Variants in NCOA3 observed in about 807,000 individuals in gnomAD.
NCOA3 encodes CBP-interacting protein.
In NCOA3, 51 loss-of-function variants were observed where a neutral mutation model predicts 158.8. That is an observed-to-expected ratio of 0.32 (90% confidence interval 0.26 to 0.41). NCOA3 has a LOEUF of 0.41. Among genes scored for constraint, NCOA3 ranks in the 10% least tolerant of loss-of-function variants. NCOA3 has a pLI of 1.00. For synonymous variants in NCOA3, 537 were observed against 592.4 expected (o/e 0.91, Z 1.36); for missense variants, 1,510 against 1,746.6 (o/e 0.86, Z 2.41).
chr20:47,632,694 T>C (rs925857696), intron 8 of NCOA3, among the ~76,000 whole-genome samples: 6 of 150,798 alleles, frequency 4.0e-5, no homozygotes, highest in Non-Finnish European at 7.4e-5. Context: ...CCCGAGTTTT[T>C]TTTTTTTGAG....
chr20:47,594,788 A>ATTTTT (rs768342979), intron 2 of NCOA3, among the ~76,000 whole-genome samples: 21 of 102,440 alleles, frequency 2.0e-4, no homozygotes, highest in African/African-American at 7.9e-4. Context: ...AGAATACCTG[A>ATTTTT]TTTTTTTTTT....
intron 1 of NCOA3, among the ~76,000 whole-genome samples, chr20:47,535,050 GTTA>G: frequency 6.7e-6 from 1 of 149,320 alleles, no homozygotes; most frequent in East Asian, 2.0e-4. Context: ...AATAATTAGC[GTTA>G]TTATTATTCT....
chr20:47,641,099 ATGCTTCTCT>A (rs2086598542), intron 16 of NCOA3, among the ~76,000 whole-genome samples: 2 of 151,968 alleles, frequency 1.3e-5, no homozygotes, highest in Non-Finnish European at 2.9e-5. Flanking sequence ...ATTTATTTGA[ATGCTTCTCT>A]ACTCAATAGA....
chr20:47,576,212 A>C (rs1316021750), intron 1 of NCOA3, among the ~76,000 whole-genome samples: 1 of 152,210 alleles, frequency 6.6e-6, no homozygotes, highest in Non-Finnish European at 1.5e-5. Flanking sequence ...ACCTGTGTAT[A>C]GTAATGGTTT....
chr20:47,619,931 G>C (rs2086207766), intron 2 of NCOA3, among the ~76,000 whole-genome samples: 1 of 151,736 alleles, frequency 6.6e-6, no homozygotes, highest in South Asian at 2.1e-4. Flanking sequence ...AAGTAGCTGG[G>C]ACTACAGGCG....
chr20:47,584,355 C>T (rs894625072), intron 2 of NCOA3, among the ~76,000 whole-genome samples: 1 of 152,150 alleles, frequency 6.6e-6, no homozygotes, highest in African/African-American at 2.4e-5. Flanking sequence ...TGCGGTGGCG[C>T]ATGCCTGTAA....
At chr20:47,632,245 G>C (rs1241522066) in intron 8 of NCOA3, among the ~76,000 whole-genome samples, 1 of 152,158 alleles carries the variant, frequency 6.6e-6, no homozygotes, top group African/African-American at 2.4e-5. Context: ...ATATCTCAAT[G>C]GGAGAAATGT....
chr20:47,510,556 C>G (rs369488879), intron 1 of NCOA3, among the ~76,000 whole-genome samples: 1 of 151,736 alleles, frequency 6.6e-6, no homozygotes, highest in Non-Finnish European at 1.5e-5. Context: ...CCTTTTCTTT[C>G]CCCCAAATCA....
chr20:47,655,887 A>G lies in NCOA3; in HGVS notation c.*2470A>G, dbSNP rs151069803. The G allele has an allele frequency of 3.3e-5, 5 of 152,518 alleles. No homozygotes were observed. The highest frequency in any genetic ancestry group is 1.2e-4 in the African/African-American group (5 of 41,522). 9.4% of individuals were successfully genotyped at this position (152,518 alleles called of 1,614,324 possible). A position where few individuals can be genotyped will look rare whatever the true frequency, so the allele number is the denominator to read the frequency against. On this transcript the variant is annotated 3_prime_UTR_variant, in exon 23 of 23. Coordinates refer to ENST00000371998, the MANE Select transcript of NCOA3 (RefSeq NM_181659.3). ...AAAATGAAGTTTATTATAAGTTTTT[A>G]TATTTTCTACTTGTTCATTTGGTGC... is the stretch of plus-strand genomic sequence containing the variant.
chr20:47,656,762 T>TTATC lies in NCOA3; in HGVS notation c.*3347_*3350dup, dbSNP rs1178761416. ...TGCTTAAAAAAATAGAAATTATTCT[T>TTATC]TATCTTGCAAAGAATTGAAACCACA... On this transcript the variant is annotated 3_prime_UTR_variant, in exon 23 of 23. Transcript: ENST00000371998. 2.0e-5 allele frequency: 3 copies of TTATC among 152,568 alleles called. No individual in the cohort carries two copies. The highest frequency in any genetic ancestry group is 4.8e-5 in the African/African-American group (2 of 41,450). 9.5% of individuals were successfully genotyped at this position (152,568 alleles called of 1,614,324 possible).
chr20:47,619,196 A>C (rs750117034), intron 2 of NCOA3, among the ~76,000 whole-genome samples: 7 of 152,250 alleles, frequency 4.6e-5, no homozygotes, highest in Non-Finnish European at 7.3e-5. Flanking sequence ...AAAGGAAATA[A>C]TATTGAGAAT....
At chr20:47,512,500 G>A (rs754600348) in intron 1 of NCOA3, among the ~76,000 whole-genome samples, 1 of 150,400 alleles carries the variant, frequency 6.6e-6, no homozygotes, top group Non-Finnish European at 1.5e-5. Flanking sequence ...CCCGGCAGGC[G>A]AAGGTTGCAG....
At position 47,652,418 on chromosome 20, in the gene NCOA3, A is replaced by C. The variant is rs772272190; in HGVS notation, c.3959A>C (p.Gln1320Pro). ...PYQPNYGMGQ[Q>P]PDPAFGRVSS... ...TTATTTTTGTAAGGAATGGGACAAC[A>C]ACCAGATCCAGCCTTTGGTCGAGTG... The change falls in exon 21 of 23, where the codon CAA becomes CCA. Residue 1320 changes from glutamine to proline, a missense_variant. Coordinates refer to ENST00000371998, the MANE Select transcript of NCOA3 (RefSeq NM_181659.3). The C allele has an allele frequency of 2.8e-5, 45 of 1,601,862 alleles. No individual in the cohort carries two copies. In the Middle Eastern group the frequency reaches 1.2e-3, roughly 41 times the overall value.
chr20:47,561,494 T>A (rs921521796), intron 1 of NCOA3, among the ~76,000 whole-genome samples: 40 of 151,706 alleles, frequency 2.6e-4, no homozygotes, highest in Admixed American at 1.2e-3. Flanking sequence ...TTTTTTTTTT[T>A]ATTTCATAGA....
intron 2 of NCOA3, among the ~76,000 whole-genome samples, chr20:47,610,046 A>AC: frequency 6.6e-6 from 1 of 152,130 alleles, no homozygotes. Flanking sequence ...TACCAGTGCT[A>AC]CCCCACCCTC....
intron 1 of NCOA3, among the ~76,000 whole-genome samples, chr20:47,579,583 G>C (rs1291586306): frequency 2.0e-5 from 3 of 152,188 alleles, no homozygotes; most frequent in African/African-American, 7.2e-5. Flanking sequence ...ATACTTACAG[G>C]ATCCTGGTAT....
At chr20:47,516,243 A>T (rs947016684) in intron 1 of NCOA3, among the ~76,000 whole-genome samples, 1 of 151,618 alleles carries the variant, frequency 6.6e-6, no homozygotes. Context: ...TGGTGGGGGG[A>T]TGGTGATAGG....
At chr20:47,534,828 T>G (rs558282746) in intron 1 of NCOA3, among the ~76,000 whole-genome samples, 1 of 152,040 alleles carries the variant, frequency 6.6e-6, no homozygotes, top group Admixed American at 6.6e-5. Context: ...GGTGGGAGGA[T>G]CGGTTGAGCC....
At chr20:47,552,794 C>A (rs1474219833) in intron 1 of NCOA3, among the ~76,000 whole-genome samples, 4 of 151,926 alleles carry the variant, frequency 2.6e-5, no homozygotes, top group African/African-American at 9.7e-5. Context: ...GGGTCTTGTT[C>A]TAGAGAGAAA....
Sources: allele counts gnomAD v4.1 joint callset (sites outside exome capture counted in the v4.1 genomes callset), GRCh38; gene constraint gnomAD v4.1.1; transcripts MANE v1.5; gene names NCBI Gene and HGNC (gene_info 2026-07-23, HGNC 2026-07-21).